SYN3: variants seen among roughly 807,000 people sequenced by gnomAD.
SYN3 encodes the protein synapsin III.
SYN3 carries 35 observed loss-of-function variants against 65.8 expected under a neutral mutation model. That is an observed-to-expected ratio of 0.53 (90% CI 0.41 to 0.70). The LOEUF (loss-of-function observed/expected upper bound fraction) is 0.70, where lower values mean the gene tolerates loss of function less well. SYN3 is among the 30% of genes least tolerant of loss of function. The pLI is 0.00. For synonymous variants in SYN3, 270 were observed against 292.9 expected (o/e 0.92, Z 0.80); for missense variants, 680 against 749.0 (o/e 0.91, Z 1.08).
intron 6 of SYN3, among the ~76,000 whole-genome samples, chr22:32,840,652 C>T (rs968047310): frequency 6.6e-6 from 1 of 152,120 alleles, no homozygotes; most frequent in African/African-American, 2.4e-5. Context: ...CCTCCGCCCC[C>T]CACCCAGATC....
At chr22:32,554,135 G>A (rs2058456890) in intron 7 of SYN3, among the ~76,000 whole-genome samples, 1 of 152,188 alleles carries the variant, frequency 6.6e-6, no homozygotes, top group African/African-American at 2.4e-5. Context: ...TGCAGCCCAG[G>A]TTGGAGAGGT....
At chr22:32,636,412 A>G (rs2059817508) in intron 6 of SYN3, among the ~76,000 whole-genome samples, 1 of 150,772 alleles carries the variant, frequency 6.6e-6, no homozygotes, top group East Asian at 1.9e-4. Flanking sequence ...AAAAAAAAAA[A>G]AAAAAAGAAA....
At chr22:32,969,685 C>A (rs749406288) in intron 3 of SYN3, among the ~76,000 whole-genome samples, 17 of 152,300 alleles carry the variant, frequency 1.1e-4, no homozygotes, top group Admixed American at 5.9e-4. Flanking sequence ...CCTCTCTGAA[C>A]CTTTCAGCTG....
At chr22:32,767,385 T>TCACGCACACA (rs1555953438) in intron 6 of SYN3, among the ~76,000 whole-genome samples, 1 of 151,244 alleles carries the variant, frequency 6.6e-6, no homozygotes, top group Non-Finnish European at 1.5e-5. Flanking sequence ...GCTGGTGACT[T>TCACGCACACA]CACACACACA....
chr22:32,985,498 C>G (rs982232828), intron 2 of SYN3, among the ~76,000 whole-genome samples: 2 of 152,158 alleles, frequency 1.3e-5, no homozygotes, highest in African/African-American at 4.8e-5. Flanking sequence ...CCTATTTGAC[C>G]CTCATGCCAA....
At chr22:33,031,924 A>C (rs2053761969) in intron 1 of SYN3, among the ~76,000 whole-genome samples, 1 of 152,102 alleles carries the variant, frequency 6.6e-6, no homozygotes, top group South Asian at 2.1e-4. Flanking sequence ...AAAAGAGATC[A>C]TTGGCCAGGC....
intron 11 of SYN3, 72 bp downstream of exon 11, chr22:32,528,802 G>C: frequency 6.3e-7 from 1 of 1,595,216 alleles, no homozygotes; most frequent in Non-Finnish European, 8.5e-7. Flanking sequence ...TTTGGATCCA[G>C]GGGCTCCCCA....
intron 2 of SYN3, among the ~76,000 whole-genome samples, chr22:32,986,307 T>A (rs567998861): frequency 6.6e-6 from 1 of 152,302 alleles, no homozygotes; most frequent in African/African-American, 2.4e-5. Flanking sequence ...ATTCCTCGAC[T>A]TGATTCTAAC....
At position 32,643,557 on chromosome 22, in the gene SYN3, C is replaced by A. The variant is rs8136355; in HGVS notation, c.712-46821G>T. On this transcript the variant is annotated intron_variant, in intron 6 of 13. Coordinates refer to ENST00000358763, the MANE Select transcript of SYN3 (RefSeq NM_003490.4). ...GGGCAAATTAGAAATGGTGGGGGGG[C>A]GGGGGGGGCAGAACAGACCCATAAA... Among the ~76,000 whole-genome samples, 4 of 19,920 alleles carry A rather than the reference C, an allele frequency of 2.0e-4. 2 individuals carry two copies. In the Admixed American group the frequency reaches 3.1e-3, roughly 15 times the overall value. 13.1% of individuals were successfully genotyped at this position (19,920 alleles called of 152,430 possible).
At chr22:33,023,073 G>A (rs1379258994) in intron 1 of SYN3, among the ~76,000 whole-genome samples, 1 of 152,188 alleles carries the variant, frequency 6.6e-6, no homozygotes, top group Non-Finnish European at 1.5e-5. Context: ...TAAGTGGCCA[G>A]GCATGGTGGT....
intron 6 of SYN3, among the ~76,000 whole-genome samples, chr22:32,699,318 T>C (rs960443661): frequency 3.3e-5 from 5 of 152,222 alleles, no homozygotes; most frequent in South Asian, 2.1e-4. Context: ...ACATGGGCCG[T>C]TGGGCTCCCC....
chr22:32,814,668 C>T (rs5754296), intron 6 of SYN3, among the ~76,000 whole-genome samples: 7,212 of 152,192 alleles, frequency 0.047, 209 homozygotes, highest in African/African-American at 0.059. Context: ...GAATGCTCCA[C>T]CTGGATAGTT....
chr22:32,570,182 T>G (rs2058740232), intron 7 of SYN3, among the ~76,000 whole-genome samples: 1 of 152,180 alleles, frequency 6.6e-6, no homozygotes, highest in Non-Finnish European at 1.5e-5. Flanking sequence ...TAGGGAGGAC[T>G]GGAAAGCCTG....
At position 32,677,642 on chromosome 22, in the gene SYN3, C is replaced by CA. The variant is rs1223562482; in HGVS notation, c.712-80907dup. ...TGAAACTCCATCTCTACTAAAAATACAAAAAAAAATTAGCCGGTCGTGGTG... is the reference window on the plus strand; with the variant it reads ...TGAAACTCCATCTCTACTAAAAATACAAAAAAAAAATTAGCCGGTCGTGGTG... On this transcript the variant is annotated intron_variant, in intron 6 of 13. Coordinates refer to ENST00000358763, the MANE Select transcript of SYN3 (RefSeq NM_003490.4). Among the ~76,000 whole-genome samples the CA allele has an allele frequency of 4.2e-4, 63 of 150,618 alleles. No homozygotes were observed. In the East Asian group the frequency reaches 5.7e-3, roughly 14 times the overall value.
chr22:32,743,717 G>T lies in SYN3; in HGVS notation c.711+121198C>A, dbSNP rs531021026. Among the ~76,000 whole-genome samples, 47 of 152,240 alleles carry T rather than the reference G, an allele frequency of 3.1e-4. No individual in the cohort carries two copies. The East Asian group carries it at 5.2e-3, about 17-fold the overall frequency. On this transcript the variant is annotated intron_variant, in intron 6 of 13. Coordinates refer to ENST00000358763, the MANE Select transcript of SYN3 (RefSeq NM_003490.4). ...CTAATTTGCACAGATGAGCTTGAAG[G>T]CCCGCCTGGGAGGTCAACATCTCCT...
rs1266988427 is a variant in SYN3, at chr22:32,926,994, G to T, written c.461+4396C>A. Among the ~76,000 whole-genome samples, 4 of 152,152 alleles carry T rather than the reference G, an allele frequency of 2.6e-5. No homozygotes were observed. The East Asian group carries it at 7.7e-4, about 29-fold the overall frequency. On this transcript the variant is annotated intron_variant, in intron 4 of 13. Transcript: ENST00000358763. ...AGGGGAGAACAAGAATATGGGCTTG[G>T]GGACAGGAGTGTGGTGGACTGGGGG... is the stretch of plus-strand genomic sequence containing the variant.
chr22:32,782,236 T>C (rs1021583293), intron 6 of SYN3, among the ~76,000 whole-genome samples: 7 of 151,982 alleles, frequency 4.6e-5, no homozygotes, highest in African/African-American at 1.4e-4. Flanking sequence ...GCTCGGCTAA[T>C]TTTGTATTTT....
At chr22:32,886,930 C>T (rs2049308836) in intron 4 of SYN3, among the ~76,000 whole-genome samples, 1 of 152,236 alleles carries the variant, frequency 6.6e-6, no homozygotes, top group African/African-American at 2.4e-5. Context: ...TGCTTCTCCC[C>T]CGGAGGGGGT....
intron 7 of SYN3, among the ~76,000 whole-genome samples, chr22:32,569,561 C>CTGTATATATATA (rs1458371419): frequency 1.5e-4 from 8 of 51,732 alleles, no homozygotes; most frequent in African/African-American, 4.7e-4. Flanking sequence ...CTCTCTCTCT[C>CTGTATATATATA]TCTCTCTCTC....
Sources: gnomAD v4.1 joint callset for allele counts (sites outside exome capture counted in the v4.1 genomes callset) on GRCh38, gnomAD v4.1.1 for gene constraint, MANE v1.5 for transcripts, NCBI Gene and HGNC (gene_info 2026-07-23, HGNC 2026-07-21) for gene names.